FAM110B: variants seen among roughly 807,000 people sequenced by gnomAD.
The protein encoded by FAM110B is family with sequence similarity 110 member B, also known as protein FAM110B.
A neutral mutation model predicts 20.4 loss-of-function variants in FAM110B; 6 were observed. That is an observed-to-expected ratio of 0.29 (90% CI 0.16 to 0.58). The LOEUF (loss-of-function observed/expected upper bound fraction) is 0.58, where lower values mean the gene tolerates loss of function less well. FAM110B is among the 20% of genes least tolerant of loss of function. The pLI is 0.90. For missense variants in FAM110B, 434 were observed against 498.2 expected (o/e 0.87, Z 1.23); for synonymous variants, 226 against 214.1 (o/e 1.06, Z -0.49).
At chr8:58,010,664 T>C (rs2150565599) in intron 1 of FAM110B, among the ~76,000 whole-genome samples, 1 of 152,308 alleles carries the variant, frequency 6.6e-6, no homozygotes, top group South Asian at 2.1e-4. Context: ...GTCCCTGTGG[T>C]AGCGCACCAT....
At chr8:57,997,082 T>G (rs1804199861) in intron 1 of FAM110B, among the ~76,000 whole-genome samples, 1 of 152,222 alleles carries the variant, frequency 6.6e-6, no homozygotes, top group South Asian at 2.1e-4. Context: ...ATAACTTAGC[T>G]AAGCGAAGGC....
At chr8:58,097,046 C>A (rs551472750) in intron 3 of FAM110B, among the ~76,000 whole-genome samples, 1 of 152,284 alleles carries the variant, frequency 6.6e-6, no homozygotes, top group South Asian at 2.1e-4. Context: ...CGAGGAGTAT[C>A]TTCGTGGTGT....
intron 3 of FAM110B, among the ~76,000 whole-genome samples, chr8:58,142,456 T>C (rs1803762929): frequency 6.6e-6 from 1 of 152,180 alleles, no homozygotes; most frequent in Non-Finnish European, 1.5e-5. Flanking sequence ...TGCTCTTCCT[T>C]GTCCTTGGGT....
intron 2 of FAM110B, among the ~76,000 whole-genome samples, chr8:58,049,017 T>C (rs973505250): frequency 6.6e-6 from 1 of 152,160 alleles, no homozygotes; most frequent in African/African-American, 2.4e-5. Context: ...ACTGGTAGGA[T>C]AGATATTGTG....
intron 3 of FAM110B, among the ~76,000 whole-genome samples, chr8:58,109,008 A>T (rs1806988188): frequency 6.6e-6 from 1 of 152,242 alleles, no homozygotes; most frequent in African/African-American, 2.4e-5. Context: ...AGGAAACTCA[A>T]CTACCTTGCT....
chr8:58,006,311 C>G (rs1804399704), intron 1 of FAM110B, among the ~76,000 whole-genome samples: 2 of 152,200 alleles, frequency 1.3e-5, no homozygotes, highest in Non-Finnish European at 2.9e-5. Context: ...TCTGGACTTT[C>G]CAACGGCTCT....
chr8:57,996,084 G>C (rs1295432603), intron 1 of FAM110B, among the ~76,000 whole-genome samples: 1 of 152,108 alleles, frequency 6.6e-6, no homozygotes, highest in Non-Finnish European at 1.5e-5. Flanking sequence ...CACAACCCCT[G>C]GTCATTCAGG....
chr8:58,006,742 A>G (rs1056613999), intron 1 of FAM110B, among the ~76,000 whole-genome samples: 2 of 151,072 alleles, frequency 1.3e-5, no homozygotes, highest in African/African-American at 4.9e-5. Flanking sequence ...AGCTGGGATT[A>G]CAAGCACGTG....
chr8:58,075,363 C>T (rs1284628715), intron 2 of FAM110B, among the ~76,000 whole-genome samples, 172 bp from the exon 3 acceptor site: 1 of 151,664 alleles, frequency 6.6e-6, no homozygotes, highest in Non-Finnish European at 1.5e-5. Flanking sequence ...AAGTGATCTG[C>T]CCCCCTCGGC....
chr8:58,136,309 C>T (rs1803614386), intron 3 of FAM110B, among the ~76,000 whole-genome samples: 1 of 152,110 alleles, frequency 6.6e-6, no homozygotes, highest in Non-Finnish European at 1.5e-5. Flanking sequence ...CGTGCCCCGG[C>T]CCAGCAAGTC....
chr8:57,998,802 C>A (rs912988805), intron 1 of FAM110B, among the ~76,000 whole-genome samples: 2 of 152,158 alleles, frequency 1.3e-5, no homozygotes, highest in East Asian at 3.9e-4. Context: ...TAAGGCTTCT[C>A]CACTGTTGCA....
intron 1 of FAM110B, among the ~76,000 whole-genome samples, chr8:57,999,176 A>G (rs1444688112): frequency 6.6e-6 from 1 of 152,256 alleles, no homozygotes; most frequent in Non-Finnish European, 1.5e-5. Flanking sequence ...CATTAAATCT[A>G]TGACTTTAAA....
intron 3 of FAM110B, among the ~76,000 whole-genome samples, chr8:58,115,066 T>C (rs1807168600): frequency 6.6e-6 from 1 of 152,004 alleles, no homozygotes; most frequent in Non-Finnish European, 1.5e-5. Context: ...CAAATCGACT[T>C]TCCTCAGAAT....
chr8:58,075,273 T>TGTGTGTG (rs58047108), intron 2 of FAM110B, among the ~76,000 whole-genome samples: 3 of 144,972 alleles, frequency 2.1e-5, no homozygotes, highest in African/African-American at 8.3e-5. Flanking sequence ...TTTTTTTTTT[T>TGTGTGTG]TTTGTGTGTG....
intron 3 of FAM110B, chr8:58,091,756 T>G (rs1256549885): frequency 6.6e-6 from 1 of 152,196 alleles, no homozygotes; most frequent in Non-Finnish European, 1.5e-5. Context: ...AAATCCAAAA[T>G]GGGGATCTTG....
intron 3 of FAM110B, among the ~76,000 whole-genome samples, chr8:58,145,330 T>A (rs1803836303): frequency 6.6e-6 from 1 of 152,116 alleles, no homozygotes; most frequent in South Asian, 2.1e-4. Flanking sequence ...TTTTTTTTTT[T>A]TAAACTTTGT....
intron 3 of FAM110B, among the ~76,000 whole-genome samples, chr8:58,102,505 C>T (rs189258384): frequency 1.2e-4 from 18 of 152,204 alleles, no homozygotes; most frequent in Admixed American, 4.6e-4. Context: ...AGTGAACTAG[C>T]GTAGATCAGA....
chr8:58,073,809 A>G (rs1219897835), intron 2 of FAM110B, among the ~76,000 whole-genome samples: 2 of 152,198 alleles, frequency 1.3e-5, no homozygotes, highest in Non-Finnish European at 2.9e-5. Flanking sequence ...TTGAGACTGT[A>G]TTGTAACACT....
At position 58,117,775 on chromosome 8, in the gene FAM110B, A is replaced by T. The variant is rs1807252767; in HGVS notation, c.-324-28132A>T. On this transcript the variant is annotated intron_variant, in intron 3 of 3. Coordinates refer to ENST00000519262, the MANE Select transcript of FAM110B (RefSeq NM_001377989.1). ...TCTATAATCATTATTATTATGTAGT[A>T]TGTGCCTAATGAATATGTACATAAA... Among the ~76,000 whole-genome samples, 6 of 152,200 alleles carry T rather than the reference A, an allele frequency of 3.9e-5. No individual in the cohort carries two copies. In the South Asian group the frequency reaches 1.2e-3, roughly 32 times the overall value.
Sources: gnomAD v4.1 joint callset for allele counts (sites outside exome capture counted in the v4.1 genomes callset) on GRCh38, gnomAD v4.1.1 for gene constraint, MANE v1.5 for transcripts, NCBI Gene and HGNC (gene_info 2026-07-23, HGNC 2026-07-21) for gene names.